The following KCNQ3 variants were observed in gnomAD, a reference collection of about 807,000 sequenced individuals.
KCNQ3 encodes potassium voltage-gated channel subfamily Q member 3.
Under a neutral mutation model 92.5 loss-of-function variants are expected in KCNQ3, and 30 were observed. The observed-to-expected ratio is 0.32, with a 90% CI of 0.24 to 0.44. The LOEUF is 0.44. Ranked by LOEUF, KCNQ3 falls within the 20% of genes least tolerant of loss-of-function variation. KCNQ3 has a pLI of 1.00. For synonymous variants in KCNQ3, 450 were observed against 468.8 expected, an observed-to-expected ratio of 0.96 and a Z score of 0.52; for missense variants, 913 against 1,140.3, an observed-to-expected ratio of 0.80 and a Z score of 2.87.
At chr8:132,375,659 C>T (rs985576090) in intron 1 of KCNQ3, among the ~76,000 whole-genome samples, 10 of 152,174 alleles carry the variant, frequency 6.6e-5, no homozygotes, top group African/African-American at 2.4e-4. Context: ...AGAACATTGC[C>T]TCCCTCTCCT....
chr8:132,226,955 G>A (rs1254185933), intron 1 of KCNQ3, among the ~76,000 whole-genome samples: 1 of 151,956 alleles, frequency 6.6e-6, no homozygotes, highest in Non-Finnish European at 1.5e-5. Context: ...TTTTTCAGAA[G>A]GCAAAACTGG....
chr8:132,198,322 T>C lies in KCNQ3; in HGVS notation c.387-12141A>G, dbSNP rs1045998610. Among the ~76,000 whole-genome samples, 23 of 152,202 alleles carry C rather than the reference T, an allele frequency of 1.5e-4. 2 individuals are homozygous for C. The highest frequency in any genetic ancestry group is 1.4e-3 in the Admixed American group (22 of 15,284). On this transcript the variant is annotated intron_variant, in intron 1 of 14. Transcript: ENST00000388996. ...CTGAACAGAAGACCTAGGTAAGCTATGATTGGACTCCTGATCCACAGAAAG... is the reference window on the plus strand; with the variant it reads ...CTGAACAGAAGACCTAGGTAAGCTACGATTGGACTCCTGATCCACAGAAAG...
At chr8:132,250,172 T>G (rs916517483) in intron 1 of KCNQ3, among the ~76,000 whole-genome samples, 1 of 152,186 alleles carries the variant, frequency 6.6e-6, no homozygotes, top group African/African-American at 2.4e-5. Context: ...GAGGAGGCAC[T>G]GAGCGCGAGC....
Position 132,250,171 on chromosome 8 carries a change from C to T in KCNQ3, c.387-63990G>A, listed in dbSNP as rs370031273. The stretch of plus-strand genomic sequence containing the variant: ...AGCGGACGCCGAGGCCGAGGAGGCA[C>T]TGAGCGCGAGCGAGGGTCACCAGCA... On this transcript the variant is annotated intron_variant, in intron 1 of 14. Coordinates refer to ENST00000388996, the MANE Select transcript of KCNQ3 (RefSeq NM_004519.4). Among the ~76,000 whole-genome samples the T allele has an allele frequency of 1.7e-3, 256 of 152,348 alleles. 1 individual carries two copies. Among genetic ancestry groups the T allele is most frequent in the African/African-American group, 5.9e-3 (244 of 41,594 alleles).
chr8:132,286,323 C>T (rs542039394), intron 1 of KCNQ3, among the ~76,000 whole-genome samples: 1 of 152,278 alleles, frequency 6.6e-6, no homozygotes, highest in South Asian at 2.1e-4. Context: ...GAGCCCAGCC[C>T]CATTCCAGTG....
At chr8:132,322,622 G>C (rs1333137553) in intron 1 of KCNQ3, among the ~76,000 whole-genome samples, 7 of 152,202 alleles carry the variant, frequency 4.6e-5, no homozygotes, top group Non-Finnish European at 1.0e-4. Flanking sequence ...TGGCTGATCT[G>C]CCAGAGCATG....
intron 1 of KCNQ3, among the ~76,000 whole-genome samples, chr8:132,263,537 G>A (rs980732893): frequency 1.4e-4 from 22 of 152,232 alleles, no homozygotes; most frequent in African/African-American, 5.1e-4. Flanking sequence ...AAAATGGCCA[G>A]AAGCAGATGA....
chr8:132,459,648 T>C (rs1200835638), intron 1 of KCNQ3, among the ~76,000 whole-genome samples: 6 of 152,140 alleles, frequency 3.9e-5, no homozygotes, highest in Non-Finnish European at 7.4e-5. Flanking sequence ...TTTCAACATG[T>C]AGTTTGAGGG....
At chr8:132,260,903 C>T (rs1373635019) in intron 1 of KCNQ3, among the ~76,000 whole-genome samples, 1 of 152,146 alleles carries the variant, frequency 6.6e-6, no homozygotes, top group Non-Finnish European at 1.5e-5. Context: ...CATCCAATCA[C>T]ATTTCATCCT....
At chr8:132,148,679 C>A (rs976477087) in intron 9 of KCNQ3, among the ~76,000 whole-genome samples, 11 of 152,224 alleles carry the variant, frequency 7.2e-5, no homozygotes, top group Non-Finnish European at 1.5e-4. Flanking sequence ...TGGACGTCAT[C>A]TAATCCTTTG....
intron 1 of KCNQ3, among the ~76,000 whole-genome samples, chr8:132,388,718 T>C (rs1819967353): frequency 6.6e-6 from 1 of 152,344 alleles, no homozygotes; most frequent in African/African-American, 2.4e-5. Flanking sequence ...GTTCCAGGCA[T>C]TGCCAAATAA....
chr8:132,254,810 C>G (rs748747224), intron 1 of KCNQ3, among the ~76,000 whole-genome samples: 10 of 152,096 alleles, frequency 6.6e-5, no homozygotes, highest in Non-Finnish European at 1.5e-4. Context: ...ACTGGGGAGA[C>G]AGAGGTTGCA....
In KCNQ3 at chr8:132,443,687, T is replaced by C. The variant is rs149311948; in HGVS notation, c.386+36460A>G. Among the ~76,000 whole-genome samples the C allele has an allele frequency of 1.7e-3, 255 of 152,256 alleles. 3 individuals are homozygous for C. The highest frequency in any genetic ancestry group is 5.5e-3 in the African/African-American group (229 of 41,562). On this transcript the variant is annotated intron_variant, in intron 1 of 14. Coordinates refer to ENST00000388996, the MANE Select transcript of KCNQ3 (RefSeq NM_004519.4). ...AACCACTGAGAACTACTGGGGTAGATGTTTTTTGTTGCATTTTGTTTCATT... is the reference window on the plus strand; with the variant it reads ...AACCACTGAGAACTACTGGGGTAGACGTTTTTTGTTGCATTTTGTTTCATT...
At chr8:132,235,820 A>T (rs1043430031) in intron 1 of KCNQ3, among the ~76,000 whole-genome samples, 1 of 152,198 alleles carries the variant, frequency 6.6e-6, no homozygotes, top group Non-Finnish European at 1.5e-5. Flanking sequence ...TTTCTTAGAA[A>T]GGCCTTCCCT....
chr8:132,439,116 C>T (rs1324156183), intron 1 of KCNQ3, among the ~76,000 whole-genome samples: 1 of 151,542 alleles, frequency 6.6e-6, no homozygotes, highest in Admixed American at 6.6e-5. Context: ...TATGCCGAAC[C>T]AATTTTTTCA....
chr8:132,364,682 C>CGGATGGAT (rs759838044), intron 1 of KCNQ3, among the ~76,000 whole-genome samples: 11 of 113,708 alleles, frequency 9.7e-5, no homozygotes, highest in Non-Finnish European at 1.3e-4. Flanking sequence ...GACGGACGGA[C>CGGATGGAT]GGACGGACGG....
chr8:132,463,188 T>C (rs1046212503), intron 1 of KCNQ3, among the ~76,000 whole-genome samples: 2 of 152,206 alleles, frequency 1.3e-5, no homozygotes, highest in African/African-American at 4.8e-5. Flanking sequence ...GGCAACTTCA[T>C]TTACAATATT....
chr8:132,327,782 G>T (rs1035901058), intron 1 of KCNQ3, among the ~76,000 whole-genome samples: 2 of 152,182 alleles, frequency 1.3e-5, no homozygotes, highest in African/African-American at 4.8e-5. Flanking sequence ...CTGTTTTGTG[G>T]AGGATGAAAG....
At chr8:132,315,466 G>A (rs1002205826) in intron 1 of KCNQ3, among the ~76,000 whole-genome samples, 1 of 152,154 alleles carries the variant, frequency 6.6e-6, no homozygotes, top group Non-Finnish European at 1.5e-5. Flanking sequence ...CGTAGCTGAA[G>A]GAGCTGAGCT....
Sources: allele counts gnomAD v4.1 joint callset (sites outside exome capture counted in the v4.1 genomes callset), GRCh38; gene constraint gnomAD v4.1.1; transcripts MANE v1.5; gene names NCBI Gene and HGNC (gene_info 2026-07-23, HGNC 2026-07-21).